Variants in MGAT4C observed in about 807,000 individuals in gnomAD.
MGAT4C encodes the protein alpha-1,3-mannosyl-glycoprotein 4-beta-N-acetylglucosaminyltransferase C.
Under a neutral mutation model 40.1 loss-of-function variants are expected in MGAT4C, and 19 were observed. The observed-to-expected ratio is 0.47, with a 90% CI of 0.33 to 0.70. The LOEUF is 0.70. MGAT4C is among the 30% of genes least tolerant of loss of function. The pLI, the probability that MGAT4C is intolerant of heterozygous loss-of-function variation, is 0.02. For synonymous variants in MGAT4C, 181 were observed against 187.1 expected, an observed-to-expected ratio of 0.97 and a Z score of 0.27; for missense variants, 491 against 563.2, an observed-to-expected ratio of 0.87 and a Z score of 1.30.
At chr12:86,796,143 GT>G (rs34706902) in intron 1 of MGAT4C, among the ~76,000 whole-genome samples, 171 of 143,384 alleles carry the variant, frequency 1.2e-3, no homozygotes, top group Middle Eastern at 3.7e-3. Context: ...TCTGTGACTT[GT>G]TTTTTTTTTT....
intron 2 of MGAT4C, among the ~76,000 whole-genome samples, chr12:85,999,385 G>T (rs1315232213): frequency 6.6e-6 from 1 of 152,070 alleles, no homozygotes; most frequent in Non-Finnish European, 1.5e-5. Flanking sequence ...TACATTTAAA[G>T]AAATCGAAAT....
At chr12:86,089,902 G>T (rs931042430) in intron 1 of MGAT4C, among the ~76,000 whole-genome samples, 1 of 151,442 alleles carries the variant, frequency 6.6e-6, no homozygotes, top group Non-Finnish European at 1.5e-5. Context: ...ACAGGTATTT[G>T]TTCCCATATT....
chr12:86,059,042 A>G (rs978001621), intron 1 of MGAT4C, among the ~76,000 whole-genome samples: 7 of 151,768 alleles, frequency 4.6e-5, no homozygotes, highest in African/African-American at 1.5e-4. Context: ...TTTGCTTTTT[A>G]TTTGTTTTGT....
Position 86,190,851 on chromosome 12 carries a change from G to A in MGAT4C, c.-57+65388C>T, listed in dbSNP as rs116277848. On this transcript the variant is annotated intron_variant, in intron 1 of 4. Transcript: ENST00000611864. ...AAAGCAAAGAGATAATCCTTAATTTGCCTCATCTAGTCAGTCAAATGTTTT... is the reference window on the plus strand; with the variant it reads ...AAAGCAAAGAGATAATCCTTAATTTACCTCATCTAGTCAGTCAAATGTTTT... 3.3e-3 allele frequency among the ~76,000 whole-genome samples: 505 copies of A among 151,942 alleles called. 2 individuals carry two copies. Among genetic ancestry groups the A allele is most frequent in the African/African-American group, 0.012 (485 of 41,458 alleles).
intron 1 of MGAT4C, among the ~76,000 whole-genome samples, chr12:86,072,960 A>T (rs1385345356): frequency 6.6e-6 from 1 of 152,142 alleles, no homozygotes; most frequent in Non-Finnish European, 1.5e-5. Flanking sequence ...ACTAGGAGTT[A>T]CATTTCTATT....
intron 1 of MGAT4C, among the ~76,000 whole-genome samples, chr12:86,121,839 A>G (rs1337330681): frequency 2.6e-5 from 4 of 152,136 alleles, no homozygotes; most frequent in African/African-American, 9.7e-5. Flanking sequence ...CATGTAACCA[A>G]TTGTTCCCAT....
chr12:86,713,072 C>A (rs1337206083), intron 2 of MGAT4C, among the ~76,000 whole-genome samples: 1 of 145,366 alleles, frequency 6.9e-6, no homozygotes, highest in South Asian at 2.3e-4. Context: ...TGGAATTGTT[C>A]CACTCAAATA....
At chr12:86,550,374 G>T (rs1959290583) in intron 2 of MGAT4C, among the ~76,000 whole-genome samples, 2 of 152,262 alleles carry the variant, frequency 1.3e-5, no homozygotes, top group Admixed American at 1.3e-4. Flanking sequence ...CACAGTCCTT[G>T]AAAGCCCTGA....
intron 3 of MGAT4C, among the ~76,000 whole-genome samples, chr12:86,427,844 C>G (rs879383948): frequency 6.6e-6 from 1 of 152,004 alleles, no homozygotes; most frequent in Non-Finnish European, 1.5e-5. Flanking sequence ...CACGGTGAAA[C>G]CCCGTCTCTA....
intron 1 of MGAT4C, among the ~76,000 whole-genome samples, chr12:86,227,785 C>A (rs1951154104): frequency 6.6e-6 from 1 of 151,800 alleles, no homozygotes; most frequent in Non-Finnish European, 1.5e-5. Context: ...GTAGAAACAT[C>A]ATTTTGTGTC....
intron 2 of MGAT4C, among the ~76,000 whole-genome samples, chr12:86,017,452 G>T (rs181570333): frequency 6.6e-6 from 1 of 151,946 alleles, no homozygotes; most frequent in Non-Finnish European, 1.5e-5. Flanking sequence ...CTCTTTATTC[G>T]TTTATAACTT....
At chr12:86,322,525 A>T (rs1954420734) in intron 4 of MGAT4C, among the ~76,000 whole-genome samples, 1 of 152,100 alleles carries the variant, frequency 6.6e-6, no homozygotes, top group Admixed American at 6.6e-5. Context: ...TAAGAGGATG[A>T]AGCCAATTCA....
chr12:86,309,360 A>G (rs1326097748), intron 4 of MGAT4C, among the ~76,000 whole-genome samples: 2 of 152,208 alleles, frequency 1.3e-5, no homozygotes, highest in African/African-American at 4.8e-5. Flanking sequence ...TGGGTAATGT[A>G]CTGTAAAGAA....
At chr12:86,043,085 G>T (rs1265825053) in intron 2 of MGAT4C, among the ~76,000 whole-genome samples, 2 of 151,952 alleles carry the variant, frequency 1.3e-5, no homozygotes, top group Non-Finnish European at 2.9e-5. Flanking sequence ...ATCTCACAAG[G>T]GTTCTCTGCA....
At chr12:86,751,674 G>C (rs1263399440) in intron 1 of MGAT4C, among the ~76,000 whole-genome samples, 2 of 152,022 alleles carry the variant, frequency 1.3e-5, no homozygotes, top group African/African-American at 2.4e-5. Flanking sequence ...ACAAATTACA[G>C]ATGGTGGTTT....
At chr12:86,322,198 G>A (rs907103631) in intron 4 of MGAT4C, among the ~76,000 whole-genome samples, 1 of 126,668 alleles carries the variant, frequency 7.9e-6, no homozygotes, top group African/African-American at 3.0e-5. Flanking sequence ...ACAGGGTGGG[G>A]AACATCACAC....
At chr12:86,000,577 T>C (rs1887185251) in intron 2 of MGAT4C, among the ~76,000 whole-genome samples, 1 of 152,150 alleles carries the variant, frequency 6.6e-6, no homozygotes, top group African/African-American at 2.4e-5. Context: ...TAGTGAATTC[T>C]ACCAAATATT....
At chr12:86,284,851 T>G (rs1953311056) in intron 4 of MGAT4C, among the ~76,000 whole-genome samples, 1 of 151,940 alleles carries the variant, frequency 6.6e-6, no homozygotes, top group African/African-American at 2.4e-5. Flanking sequence ...GGAAGAAAAA[T>G]GTAATTCAGA....
chr12:85,978,979 A>C lies in MGAT4C; in HGVS notation c.*310T>G. On this transcript the variant is annotated 3_prime_UTR_variant, in exon 5 of 5. Coordinates refer to ENST00000611864, the MANE Select transcript of MGAT4C (RefSeq NM_001351288.2). Reference sequence around the variant, plus strand: ...TATTTTTCAAAAATCATCATCCAACAAATTTTTTTCATTTAAAATCTTTCA... The same window carrying C: ...TATTTTTCAAAAATCATCATCCAACCAATTTTTTTCATTTAAAATCTTTCA... 5.3e-6 allele frequency: 1 copy of C among 187,604 alleles called. No individual in the cohort carries two copies. Among genetic ancestry groups the C allele is most frequent in the Non-Finnish European group, 1.1e-5 (1 of 90,858 alleles). 11.6% of individuals were successfully genotyped at this position (187,604 alleles called of 1,614,324 possible).
Sources: allele counts gnomAD v4.1 joint callset (sites outside exome capture counted in the v4.1 genomes callset), GRCh38; gene constraint gnomAD v4.1.1; transcripts MANE v1.5; gene names NCBI Gene and HGNC (gene_info 2026-07-23, HGNC 2026-07-21).